VPS45: variants seen among roughly 807,000 people sequenced by gnomAD.
VPS45 encodes the protein vacuolar protein sorting-associated protein 45.
Under a neutral mutation model 75.9 loss-of-function variants are expected in VPS45, and 35 were observed. The ratio of observed to expected loss-of-function variants is 0.46; its 90% CI spans 0.35 to 0.61. VPS45 has a LOEUF of 0.61. VPS45 is among the 20% of genes least tolerant of loss of function. VPS45 has a pLI of 0.00. For synonymous variants in VPS45, 220 were observed against 238.2 expected (o/e 0.92, Z 0.70); for missense variants, 559 against 685.9 (o/e 0.81, Z 2.07).
intron 7 of VPS45, among the ~76,000 whole-genome samples, chr1:150,078,142 C>T (rs945289735): frequency 2.0e-5 from 3 of 152,174 alleles, no homozygotes; most frequent in Admixed American, 1.3e-4. Flanking sequence ...TCATCTACTT[C>T]GTTCCCTACT....
chr1:150,126,603 C>T (rs1311617890), intron 14 of VPS45, among the ~76,000 whole-genome samples: 1 of 152,028 alleles, frequency 6.6e-6, no homozygotes, highest in Admixed American at 6.6e-5. Context: ...ATATATTTGG[C>T]AAACTCATCA....
At chr1:150,087,996 T>C (rs1656103713) in intron 10 of VPS45, among the ~76,000 whole-genome samples, 1 of 152,200 alleles carries the variant, frequency 6.6e-6, no homozygotes, top group African/African-American at 2.4e-5. Context: ...TTTCAATACA[T>C]GTATACATTG....
At chr1:150,107,002 G>T (rs1378755349) in intron 13 of VPS45, among the ~76,000 whole-genome samples, 3 of 152,082 alleles carry the variant, frequency 2.0e-5, no homozygotes, top group Non-Finnish European at 4.4e-5. Flanking sequence ...TTGAGACTCA[G>T]TTGGGCCTCA....
chr1:150,129,742 C>A (rs1364956448), intron 14 of VPS45, among the ~76,000 whole-genome samples: 4 of 151,818 alleles, frequency 2.6e-5, no homozygotes, highest in Non-Finnish European at 2.9e-5. Context: ...TTAGTAGAGA[C>A]AGATTTCACC....
chr1:150,095,113 A>G (rs1656546598), intron 13 of VPS45, among the ~76,000 whole-genome samples: 1 of 152,256 alleles, frequency 6.6e-6, no homozygotes, highest in Non-Finnish European at 1.5e-5. Flanking sequence ...TAGAAGTGAC[A>G]GGAAAGACAA....
At chr1:150,120,977 C>T (rs1161640613) in intron 14 of VPS45, among the ~76,000 whole-genome samples, 1 of 151,116 alleles carries the variant, frequency 6.6e-6, no homozygotes. Context: ...ACGCCATTCT[C>T]CTGCCTCAGC....
In VPS45 at chr1:150,081,899, T is replaced by G; in HGVS notation, c.838T>G (p.Phe280Val). 6.2e-7 allele frequency: 1 copy of G among 1,611,942 alleles called. No homozygotes were observed. Among genetic ancestry groups the G allele is most frequent in the South Asian group, 1.1e-5 (1 of 90,698 alleles). The part of the protein sequence containing the change: ...EFYANNMYLN[F>V]AEIGSNIKNL... ...TTTTTCACAGAATATGTACCTGAAC[T>G]TTGCTGAGATTGGTAGCAATATAAA... is the stretch of plus-strand genomic sequence containing the variant. The change falls in exon 9 of 15, where the codon TTT (phenylalanine) becomes GTT (valine). Residue 280 changes from phenylalanine to valine, a missense_variant. Physicochemically the swap from Phe to Val is conservative, Grantham distance 50 (BLOSUM62 -1). Coordinates refer to ENST00000644510, the MANE Select transcript of VPS45 (RefSeq NM_007259.5).
intron 13 of VPS45, among the ~76,000 whole-genome samples, chr1:150,106,608 TCTCTTGCTCTCG>T (rs1356946697): frequency 6.6e-6 from 1 of 152,162 alleles, no homozygotes; most frequent in Non-Finnish European, 1.5e-5. Context: ...TTATTTTCTC[TCTCTTGCTCTCG>T]CTCTTGCTCT....
intron 13 of VPS45, among the ~76,000 whole-genome samples, chr1:150,105,117 T>G (rs189883178): frequency 6.6e-6 from 1 of 152,290 alleles, no homozygotes; most frequent in Admixed American, 6.5e-5. Context: ...TTTTGACTTT[T>G]TAATAAACCA....
At chr1:150,091,146 T>C (rs1308844833) in intron 10 of VPS45, among the ~76,000 whole-genome samples, 2 of 152,236 alleles carry the variant, frequency 1.3e-5, no homozygotes, top group African/African-American at 4.8e-5. Context: ...GAATAAATTA[T>C]ATTACTTTGA....
chr1:150,079,129 A>C, intron 7 of VPS45, among the ~76,000 whole-genome samples: 1 of 150,634 alleles, frequency 6.6e-6, no homozygotes. Flanking sequence ...AAAAAAAAAC[A>C]CTCAAAAGCC....
At chr1:150,126,001 A>G (rs1553810635) in intron 14 of VPS45, among the ~76,000 whole-genome samples, 1 of 151,882 alleles carries the variant, frequency 6.6e-6, no homozygotes, top group African/African-American at 2.4e-5. Flanking sequence ...TACATTTTTA[A>G]TATAAATAAT....
At chr1:150,078,549 CA>C (rs1306897088) in intron 7 of VPS45, among the ~76,000 whole-genome samples, 16 of 152,010 alleles carry the variant, frequency 1.1e-4, no homozygotes, top group Non-Finnish European at 2.4e-4. Context: ...CACCTGAGGT[CA>C]AGAGTTCAAG....
At chr1:150,070,682 G>A (rs941635801) in intron 2 of VPS45, among the ~76,000 whole-genome samples, 1 of 151,312 alleles carries the variant, frequency 6.6e-6, no homozygotes, top group African/African-American at 2.4e-5. Flanking sequence ...GGTGGCAGGC[G>A]CCTGTAGTCC....
intron 14 of VPS45, among the ~76,000 whole-genome samples, chr1:150,133,283 C>G (rs1658917731): frequency 6.6e-6 from 1 of 152,036 alleles, no homozygotes; most frequent in Non-Finnish European, 1.5e-5. Flanking sequence ...GGCGTGGTGG[C>G]TCACGCCTGT....
In VPS45 at chr1:150,117,070, G is replaced by A. The variant is rs947490901; in HGVS notation, c.1625+6443G>A. Among the ~76,000 whole-genome samples, 29 of 151,446 alleles carry A rather than the reference G, an allele frequency of 1.9e-4. No individual in the cohort carries two copies. The East Asian group carries it at 2.5e-3, about 13-fold the overall frequency. On this transcript the variant is annotated intron_variant, in intron 14 of 14. Coordinates refer to ENST00000644510, the MANE Select transcript of VPS45 (RefSeq NM_007259.5). ...ACAAAAATTAGCTGGGCGTGGTGGC[G>A]TGCACCTGTAGTCCCAGCTACTCAG...
intron 13 of VPS45, among the ~76,000 whole-genome samples, chr1:150,100,721 A>G (rs1656931905): frequency 6.6e-6 from 1 of 152,212 alleles, no homozygotes; most frequent in Non-Finnish European, 1.5e-5. Context: ...TGATAAAAAC[A>G]AGCAATGGGG....
At chr1:150,115,663 AC>A (rs1553808153) in intron 14 of VPS45, among the ~76,000 whole-genome samples, 1 of 152,134 alleles carries the variant, frequency 6.6e-6, no homozygotes, top group African/African-American at 2.4e-5. Flanking sequence ...TTTGCTAGGT[AC>A]CCCAAGAGCA....
chr1:150,110,448 C>T, intron 13 of VPS45, 48 bp from the exon 14 acceptor site: 2 of 1,509,310 alleles, frequency 1.3e-6, no homozygotes, highest in Non-Finnish European at 1.8e-6. Context: ...AGTCACAGTC[C>T]TTTTTTTTTC....
Sources: allele counts gnomAD v4.1 joint callset (sites outside exome capture counted in the v4.1 genomes callset), GRCh38; gene constraint gnomAD v4.1.1; transcripts MANE v1.5; gene names NCBI Gene and HGNC (gene_info 2026-07-23, HGNC 2026-07-21).